Variants in NME5 observed in about 807,000 individuals in gnomAD.
The protein encoded by NME5 is NME/NM23 family member 5.
NME5 carries 18 observed loss-of-function variants against 21.6 expected under a neutral mutation model. That is an observed-to-expected ratio of 0.83 (90% CI 0.58 to 1.24). The LOEUF is 1.24. NME5 is among the 50% of genes most tolerant of loss of function. The pLI, the probability that NME5 is intolerant of heterozygous loss-of-function variation, is 0.00. For synonymous variants in NME5, 70 were observed against 80.6 expected, an observed-to-expected ratio of 0.87 and a Z score of 0.71; for missense variants, 223 against 255.4, an observed-to-expected ratio of 0.87 and a Z score of 0.86.
At chr5:138,117,177 C>T (rs1222850316) in intron 5 of NME5, among the ~76,000 whole-genome samples, 5 of 137,824 alleles carry the variant, frequency 3.6e-5, no homozygotes, top group African/African-American at 1.1e-4. Flanking sequence ...CCACCAGACT[C>T]CAGCATGGGG....
At chr5:138,117,204 CAAAAAA>C (rs34623624) in intron 5 of NME5, among the ~76,000 whole-genome samples, 1 of 63,548 alleles carries the variant, frequency 1.6e-5, no homozygotes, top group Non-Finnish European at 2.8e-5. Flanking sequence ...GACCCTGTCT[CAAAAAA>C]AAAAAAAAAA....
At chr5:138,118,511 A>C (rs1008007640) in intron 5 of NME5, among the ~76,000 whole-genome samples, 5 of 151,402 alleles carry the variant, frequency 3.3e-5, no homozygotes, top group Admixed American at 6.6e-5. Context: ...TTTGAGATGG[A>C]GTCTTGCTCT....
At chr5:138,137,688 T>C (rs1216339189) in intron 2 of NME5, among the ~76,000 whole-genome samples, 4 of 151,010 alleles carry the variant, frequency 2.6e-5, no homozygotes, top group African/African-American at 9.7e-5. Flanking sequence ...AAATAAAAAA[T>C]TGGAAGTTCG....
intron 2 of NME5, among the ~76,000 whole-genome samples, chr5:138,135,358 A>G (rs1338819781): frequency 2.0e-5 from 3 of 150,284 alleles, no homozygotes; most frequent in African/African-American, 2.4e-5. Flanking sequence ...TTTTCAAGAC[A>G]GAGTCTCCCT....
intron 2 of NME5, among the ~76,000 whole-genome samples, chr5:138,137,857 G>C (rs762670697): frequency 4.0e-5 from 6 of 151,536 alleles, no homozygotes; most frequent in Admixed American, 2.0e-4. Flanking sequence ...ACATTAGCTG[G>C]ACATGGTGGT....
rs149970867 is a variant in NME5 at position 138,117,648 on chromosome 5, G to A, written c.555+1170C>T. On this transcript the variant is annotated intron_variant, in intron 5 of 5. Coordinates refer to ENST00000265191, the MANE Select transcript of NME5 (RefSeq NM_003551.3). ...GGGAAATGCAGATCAAAACCACCGT[G>A]AGAAACCATTTTGTGTTATCTACTA... 2.5e-3 allele frequency among the ~76,000 whole-genome samples: 384 copies of A among 152,172 alleles called. 2 individuals carry two copies. The highest frequency in any genetic ancestry group is 8.4e-3 in the African/African-American group (349 of 41,518).
At chr5:138,123,985 CTTTTTT>C (rs70979583) in intron 4 of NME5, among the ~76,000 whole-genome samples, 6 of 37,212 alleles carry the variant, frequency 1.6e-4, no homozygotes, top group Admixed American at 5.3e-4. Context: ...ATTTTGAGCA[CTTTTTT>C]TTTTTTTTTT....
At chr5:138,124,878 T>C (rs1430756009) in intron 4 of NME5, among the ~76,000 whole-genome samples, 2 of 152,172 alleles carry the variant, frequency 1.3e-5, no homozygotes, top group Non-Finnish European at 2.9e-5. Flanking sequence ...CTTACATGGA[T>C]GAACTTTAAG....
intron 4 of NME5, chr5:138,127,403 C>CA (rs199653832): frequency 1.8e-4 from 160 of 895,652 alleles, no homozygotes; most frequent in African/African-American, 3.4e-4. Context: ...GTGAAATCTC[C>CA]AAAAAAAAGA....
Position 138,118,857 on chromosome 5 carries a change from T to C in NME5, c.516A>G (p.Gly172=). ...NLHIMPTLLE[G]LTELCKQKPA... ...GTTTTTGCTTACAAAGCTCTGTGAG[T>C]CCTTCAAGCAGAGTTGGCATTATAT... is the stretch of plus-strand genomic sequence containing the variant. Residue 172 remains glycine, a synonymous_variant, in exon 5 of 6, where the codon GGA becomes GGG. Coordinates refer to ENST00000265191, the MANE Select transcript of NME5 (RefSeq NM_003551.3). The C allele has an allele frequency of 6.2e-7, 1 of 1,613,140 alleles. No individual in the cohort carries two copies. Among genetic ancestry groups the C allele is most frequent in the Non-Finnish European group, 8.5e-7 (1 of 1,179,212 alleles).
intron 5 of NME5, among the ~76,000 whole-genome samples, chr5:138,117,704 C>T (rs1009416465): frequency 2.6e-5 from 4 of 151,992 alleles, no homozygotes; most frequent in East Asian, 3.9e-4. Flanking sequence ...AAAGATAGGT[C>T]GGGCGCGGTG....
intron 5 of NME5, among the ~76,000 whole-genome samples, 160 bp from the exon 6 acceptor site, chr5:138,115,924 A>G (rs1561584509): frequency 6.6e-6 from 1 of 152,232 alleles, no homozygotes; most frequent in Admixed American, 6.5e-5. Flanking sequence ...AAGATTGTCA[A>G]GAATAGATCC....
chr5:138,138,506 A>G (rs752998976), intron 2 of NME5, 146 bp downstream of exon 2: 512 of 643,138 alleles, frequency 8.0e-4, no homozygotes, highest in Non-Finnish European at 1.1e-3. Flanking sequence ...TTTAAAAACT[A>G]TCACATATAA....
intron 2 of NME5, among the ~76,000 whole-genome samples, chr5:138,136,146 T>TAA (rs1399302434): frequency 2.0e-5 from 3 of 152,212 alleles, no homozygotes; most frequent in African/African-American, 7.2e-5. Context: ...ATAACCTGCA[T>TAA]ATATATCACT....
In NME5 at chr5:138,129,903, GCCAAGACTGCA is replaced by G. The variant is rs773019717; in HGVS notation, c.130-446_130-436del. ...ACCCGGGAGGCGGAGGTTGCAGGGA[GCCAAGACTGCA>G]CCACTGCACTCCAGCCCGGGCGACA... is the stretch of plus-strand genomic sequence containing the variant. On this transcript the variant is annotated intron_variant, in intron 2 of 5. Transcript: ENST00000265191. Among the ~76,000 whole-genome samples the G allele has an allele frequency of 1.6e-3, 237 of 152,292 alleles. 2 individuals are homozygous for G. Among genetic ancestry groups the G allele is most frequent in the Non-Finnish European group, 2.5e-3 (167 of 68,024 alleles).
chr5:138,129,319 C>T lies in NME5; in HGVS notation c.279G>A (p.Trp93Ter), dbSNP rs960428465. 5.6e-6 allele frequency: 9 copies of T among 1,613,834 alleles called. No individual in the cohort carries two copies. Among genetic ancestry groups the T allele is most frequent in the Non-Finnish European group, 6.8e-6 (8 of 1,179,984 alleles). Reference sequence around the variant, plus strand: ...TATTATTTGGTCCCAAAAGTTCTAACCAATAAGAGATGGCTTTATGTCTAG... The same window carrying T: ...TATTATTTGGTCCCAAAAGTTCTAATCAATAAGAGATGGCTTTATGTCTAG... ...ILARHKAISYWLELLGPNNSL... is the reference protein window; with the variant it reads ...ILARHKAISY Residue 93 changes from tryptophan to a stop codon, truncating the protein, a stop_gained, in exon 3 of 6, where the codon TGG (tryptophan) becomes TGA (stop). Transcript: ENST00000265191. LOFTEE classifies it high-confidence loss of function.
intron 4 of NME5, among the ~76,000 whole-genome samples, chr5:138,120,141 G>A (rs749670200): frequency 4.7e-5 from 7 of 149,970 alleles, no homozygotes; most frequent in Admixed American, 1.3e-4. Flanking sequence ...TGTCACTCAC[G>A]CTGGTCTCAA....
intron 2 of NME5, chr5:138,138,202 T>C (rs1019617869): frequency 6.5e-6 from 1 of 154,558 alleles, no homozygotes. Context: ...ATTCCATCAA[T>C]AGAAGATCAA....
intron 4 of NME5, chr5:138,123,057 CAAGCT>C (rs1451824390): frequency 1.3e-5 from 2 of 152,022 alleles, no homozygotes; most frequent in African/African-American, 4.8e-5. Context: ...GCATAGGGGC[CAAGCT>C]AATCTTCTCT....
Sources: allele counts gnomAD v4.1 joint callset (sites outside exome capture counted in the v4.1 genomes callset), GRCh38; gene constraint gnomAD v4.1.1; transcripts MANE v1.5; gene names NCBI Gene and HGNC (gene_info 2026-07-23, HGNC 2026-07-21).